Variants in RGS7 observed in about 807,000 individuals in gnomAD.
RGS7 encodes regulator of G protein signaling 7, also known as regulator of G-protein signaling 7.
Under a neutral mutation model 81.1 loss-of-function variants are expected in RGS7, and 27 were observed. The observed-to-expected ratio is 0.33, with a 90% CI of 0.25 to 0.46. The LOEUF (loss-of-function observed/expected upper bound fraction) is 0.46, where lower values mean the gene tolerates loss of function less well. Among genes scored for constraint, RGS7 ranks in the 20% least tolerant of loss-of-function variants. RGS7 has a pLI of 1.00. For missense variants in RGS7, 396 were observed against 607.4 expected (o/e 0.65, Z 3.66); for synonymous variants, 208 against 207.7 (o/e 1.00, Z -0.01).
chr1:240,842,495 T>C (rs1658249640), intron 9 of RGS7, among the ~76,000 whole-genome samples: 1 of 152,030 alleles, frequency 6.6e-6, no homozygotes, highest in African/African-American at 2.4e-5. Flanking sequence ...CCTGGCTGTT[T>C]GTCAGTATTT....
At chr1:240,962,173 A>G (rs1452667206) in intron 4 of RGS7, among the ~76,000 whole-genome samples, 2 of 152,116 alleles carry the variant, frequency 1.3e-5, no homozygotes, top group African/African-American at 4.8e-5. Context: ...AAGGTCACCA[A>G]TGACTTCCTA....
chr1:240,994,154 T>A lies in RGS7; in HGVS notation c.176-11025A>T, dbSNP rs1174592572. Among the ~76,000 whole-genome samples the A allele has an allele frequency of 2.6e-5, 4 of 152,248 alleles. No homozygotes were observed. In the East Asian group the frequency reaches 5.8e-4, roughly 22 times the overall value. On this transcript the variant is annotated intron_variant, in intron 3 of 18. Coordinates refer to ENST00000440928, the MANE Select transcript of RGS7 (RefSeq NM_001364886.1). ...CATTATTTTTCTTTCAAAATTGTTTTACCTGTTCTACTTCATTTGCTTTAC... is the reference window on the plus strand; with the variant it reads ...CATTATTTTTCTTTCAAAATTGTTTAACCTGTTCTACTTCATTTGCTTTAC...
intron 4 of RGS7, among the ~76,000 whole-genome samples, chr1:240,940,584 G>A (rs1015907322): frequency 6.6e-6 from 1 of 152,158 alleles, no homozygotes; most frequent in Non-Finnish European, 1.5e-5. Context: ...GAAAAATTAA[G>A]TTACGGCACA....
At chr1:241,299,071 C>T (rs1414454537) in intron 2 of RGS7, among the ~76,000 whole-genome samples, 1 of 152,206 alleles carries the variant, frequency 6.6e-6, no homozygotes, top group Non-Finnish European at 1.5e-5. Context: ...GTAATCTCTG[C>T]AGACATGAGG....
chr1:241,104,112 A>C (rs904045779), intron 2 of RGS7, among the ~76,000 whole-genome samples: 1 of 152,194 alleles, frequency 6.6e-6, no homozygotes, highest in African/African-American at 2.4e-5. Flanking sequence ...TAAATTGTAT[A>C]CATCTTATCA....
chr1:240,933,785 A>C (rs1431816603), intron 5 of RGS7, among the ~76,000 whole-genome samples: 1 of 151,932 alleles, frequency 6.6e-6, no homozygotes, highest in African/African-American at 2.4e-5. Flanking sequence ...ATTACATCAG[A>C]TCTCATTTTC....
At chr1:240,778,968 C>G (rs1683463561) in intron 18 of RGS7, among the ~76,000 whole-genome samples, 1 of 152,066 alleles carries the variant, frequency 6.6e-6, no homozygotes, top group Admixed American at 6.5e-5. Flanking sequence ...CCTGCCTGCT[C>G]TGGTCTGTCT....
intron 2 of RGS7, among the ~76,000 whole-genome samples, chr1:241,306,761 G>C (rs974907657): frequency 6.6e-6 from 1 of 151,288 alleles, no homozygotes; most frequent in African/African-American, 2.4e-5. Context: ...GCACACATAC[G>C]CACACACCTT....
chr1:240,926,069 A>G (rs923081801), intron 6 of RGS7, among the ~76,000 whole-genome samples: 2 of 152,112 alleles, frequency 1.3e-5, no homozygotes, highest in African/African-American at 4.8e-5. Context: ...GCCATCCTCT[A>G]GGTTGTCTGT....
At chr1:240,885,842 C>T (rs971749034) in intron 6 of RGS7, among the ~76,000 whole-genome samples, 4 of 152,072 alleles carry the variant, frequency 2.6e-5, no homozygotes, top group African/African-American at 7.2e-5. Context: ...GTACACCAAA[C>T]CCCTGTGACA....
chr1:240,796,495 G>C (rs1195145280), intron 18 of RGS7, among the ~76,000 whole-genome samples: 11 of 152,114 alleles, frequency 7.2e-5, no homozygotes, highest in Admixed American at 7.2e-4. Flanking sequence ...AGACCAGCCT[G>C]CCCAACATGG....
At chr1:240,997,564 C>G (rs939459445) in intron 3 of RGS7, among the ~76,000 whole-genome samples, 1 of 152,180 alleles carries the variant, frequency 6.6e-6, no homozygotes, top group Non-Finnish European at 1.5e-5. Flanking sequence ...GTGGCTCACA[C>G]CTGTAATCTC....
intron 5 of RGS7, among the ~76,000 whole-genome samples, chr1:240,933,075 G>C (rs183877589): frequency 1.3e-5 from 2 of 148,940 alleles, no homozygotes; most frequent in Admixed American, 6.7e-5. Context: ...GTAGAGACGG[G>C]GTTTCACCGT....
At chr1:240,873,858 T>C (rs1166044999) in intron 6 of RGS7, among the ~76,000 whole-genome samples, 6 of 152,222 alleles carry the variant, frequency 3.9e-5, no homozygotes, top group African/African-American at 1.2e-4. Context: ...TTAACTTACA[T>C]TGTCATGCTA....
intron 2 of RGS7, among the ~76,000 whole-genome samples, chr1:241,275,758 G>A (rs2078161268): frequency 6.6e-6 from 1 of 152,208 alleles, no homozygotes; most frequent in East Asian, 1.9e-4. Context: ...TGCAAGCATT[G>A]CCATTCCAGG....
chr1:240,897,271 A>C (rs572361466), intron 6 of RGS7, among the ~76,000 whole-genome samples: 3 of 152,264 alleles, frequency 2.0e-5, no homozygotes, highest in East Asian at 1.9e-4. Context: ...AATATCCTTT[A>C]TTTCTTTCTC....
rs1052064632 is a variant in RGS7 at position 241,144,896 on chromosome 1, G to GT, written c.79-46135dup. 6.7e-6 allele frequency among the ~76,000 whole-genome samples: 1 copy of GT among 149,580 alleles called. No individual in the cohort carries two copies. Among genetic ancestry groups the GT allele is most frequent in the African/African-American group, 2.5e-5 (1 of 39,394 alleles). ...TTAACGTCCCAAAGGAACAACTGAT[G>GT]TGAGTCAGTATGTGTTGGCAGGGCA... On this transcript the variant is annotated intron_variant, in intron 2 of 18. Transcript: ENST00000440928. The surrounding 1 kb of genome is among the most constrained non-coding windows in gnomAD (Gnocchi z 4.7).
rs184365099 is a variant in RGS7, at chr1:240,861,173, A to G, written c.609+7414T>C. On this transcript the variant is annotated intron_variant, in intron 9 of 18. Coordinates refer to ENST00000440928, the MANE Select transcript of RGS7 (RefSeq NM_001364886.1). ...TGATTATATATTGGTTTTAAAAAGC[A>G]TAAATAAATCAACTATTCTCACTAC... is the stretch of plus-strand genomic sequence containing the variant. 2.9e-3 allele frequency among the ~76,000 whole-genome samples: 445 copies of G among 152,350 alleles called. 1 individual carries two copies. The highest frequency in any genetic ancestry group is 6.8e-3 in the Middle Eastern group (2 of 294).
At chr1:241,302,100 A>G (rs1310193167) in intron 2 of RGS7, among the ~76,000 whole-genome samples, 1 of 152,166 alleles carries the variant, frequency 6.6e-6, no homozygotes, top group Non-Finnish European at 1.5e-5. Flanking sequence ...TGAGGAAGTA[A>G]TATTCATGGT....
Sources: allele counts gnomAD v4.1 joint callset (sites outside exome capture counted in the v4.1 genomes callset), GRCh38; gene constraint gnomAD v4.1.1; non-coding constraint Gnocchi (gnomAD v3.1); transcripts MANE v1.5; gene names NCBI Gene and HGNC (gene_info 2026-07-23, HGNC 2026-07-21).